The following TJP3 variants were observed in gnomAD, a reference collection of about 807,000 sequenced individuals.
The protein encoded by TJP3 is tight junction protein ZO-3.
Under a neutral mutation model 104.2 loss-of-function variants are expected in TJP3, and 85 were observed. The ratio of observed to expected loss-of-function variants is 0.82; its 90% CI spans 0.68 to 0.98. The LOEUF (loss-of-function observed/expected upper bound fraction) is 0.98, where lower values mean the gene tolerates loss of function less well. Among genes scored for constraint, TJP3 ranks in the 50% least tolerant of loss-of-function variants. TJP3 has a pLI of 0.00. For synonymous variants in TJP3, 550 were observed against 550.6 expected, an observed-to-expected ratio of 1.00 and a Z score of 0.02; for missense variants, 1,367 against 1,322.8, an observed-to-expected ratio of 1.03 and a Z score of -0.52.
chr19:3,711,450 C>T lies in TJP3; in HGVS notation c.-10+2889C>T, dbSNP rs1036567354. ...CTGATCTCAGGTGATTCGCTCGCCTCGGCCTCCCAAAGTGCTGGGATTACA... is the reference window on the plus strand; with the variant it reads ...CTGATCTCAGGTGATTCGCTCGCCTTGGCCTCCCAAAGTGCTGGGATTACA... On this transcript the variant is annotated intron_variant, in intron 1 of 20. Transcript: ENST00000541714. Among the ~76,000 whole-genome samples the T allele has an allele frequency of 2.6e-5, 4 of 151,392 alleles. No individual in the cohort carries two copies. In the South Asian group the frequency reaches 8.4e-4, roughly 32 times the overall value.
chr19:3,718,810 C>T (rs1428826806), intron 1 of TJP3, among the ~76,000 whole-genome samples: 2 of 152,208 alleles, frequency 1.3e-5, no homozygotes, highest in Middle Eastern at 3.4e-3. Flanking sequence ...ATGGCAGCCA[C>T]GAACCTTGAC....
intron 11 of TJP3, among the ~76,000 whole-genome samples, chr19:3,736,602 T>C (rs2036742799): frequency 6.6e-6 from 1 of 152,068 alleles, no homozygotes; most frequent in Non-Finnish European, 1.5e-5. Flanking sequence ...TGAGATGGAG[T>C]TTTGGTCTTG....
chr19:3,734,132 G>A (rs2145687826), intron 7 of TJP3, among the ~76,000 whole-genome samples, 195 bp from the exon 8 acceptor site: 1 of 152,258 alleles, frequency 6.6e-6, no homozygotes, highest in South Asian at 2.1e-4. Flanking sequence ...AGCGATTCTC[G>A]TGCCTTGGCC....
chr19:3,732,091 G>T, intron 6 of TJP3, 53 bp downstream of exon 6: 6 of 1,503,728 alleles, frequency 4.0e-6, no homozygotes, highest in Non-Finnish European at 5.5e-6. Context: ...GGGTTGGGGC[G>T]GGCAGTCCCA....
At position 3,730,135 on chromosome 19, in the gene TJP3, G is replaced by A; in HGVS notation, c.261+5G>A. 6.2e-7 allele frequency: 1 copy of A among 1,613,802 alleles called. No individual in the cohort carries two copies. The highest frequency in any genetic ancestry group is 8.5e-7 in the Non-Finnish European group (1 of 1,179,728). Reference sequence around the variant, plus strand: ...TGCACCAAGATGGCCAACATCGTGAGTAGGCAGCCCCTGGCATGGCCAGCA... The same window carrying A: ...TGCACCAAGATGGCCAACATCGTGAATAGGCAGCCCCTGGCATGGCCAGCA... On this transcript the variant is annotated splice_donor_5th_base_variant and intron_variant, in intron 4 of 20. Transcript: ENST00000541714. The surrounding 1 kb of genome is among the most constrained non-coding windows in gnomAD (Gnocchi z 7.3).
In TJP3 at chr19:3,731,956, G is replaced by T. The variant is rs2036677274; in HGVS notation, c.635G>T (p.Ser212Ile). Residue 212 changes from serine (S) to isoleucine (I), a missense_variant, in exon 6 of 21, where the codon AGT (serine) becomes ATT (isoleucine). By Grantham distance (142) the Ser-to-Ile change is moderately radical. Coordinates refer to ENST00000541714, the MANE Select transcript of TJP3 (RefSeq NM_001267560.2). ...DSEEFGVKLGSQIFIKHITDS... is the reference protein window; with the variant it reads ...DSEEFGVKLGIQIFIKHITDS... ...ACAGAGTTTGGCGTCAAGCTGGGCAGTCAGATCTTCATCAAGCACATTACA... is the reference window on the plus strand; with the variant it reads ...ACAGAGTTTGGCGTCAAGCTGGGCATTCAGATCTTCATCAAGCACATTACA... 1 of 1,613,458 alleles carries T rather than the reference G, an allele frequency of 6.2e-7. No homozygotes were observed. The highest frequency in any genetic ancestry group is 8.5e-7 in the Non-Finnish European group (1 of 1,179,706).
At position 3,743,948 on chromosome 19, in the gene TJP3, A is replaced by G. The variant is rs758900698; in HGVS notation, c.1853A>G (p.Lys618Arg). 8 of 1,614,016 alleles carry G rather than the reference A, an allele frequency of 5.0e-6. No homozygotes were observed. Among genetic ancestry groups the G allele is most frequent in the Admixed American group, 3.3e-5 (2 of 59,984 alleles). Reference sequence around the variant, plus strand: ...TGTCTCTACCCCTCAGCCAGTTTCAAGCGCCCGGTAGTGATCCTGGGACCC... The same window carrying G: ...TGTCTCTACCCCTCAGCCAGTTTCAGGCGCCCGGTAGTGATCCTGGGACCC... Reference protein sequence around the residue: ...ERVVLREASFKRPVVILGPVA... With the variant: ...ERVVLREASFRRPVVILGPVA... The change falls in exon 15 of 21, where the codon AAG becomes AGG. Residue 618 changes from lysine (K) to arginine (R), a missense_variant. Physicochemically the swap from Lys to Arg is conservative, Grantham distance 26. Coordinates refer to ENST00000541714, the MANE Select transcript of TJP3 (RefSeq NM_001267560.2).
At chr19:3,715,042 G>A (rs923140112) in intron 1 of TJP3, among the ~76,000 whole-genome samples, 3 of 151,198 alleles carry the variant, frequency 2.0e-5, no homozygotes, top group Admixed American at 6.6e-5. Flanking sequence ...TTTTTACTTC[G>A]TGAGGCAACA....
intron 1 of TJP3, chr19:3,721,977 G>A: frequency 1.0e-6 from 1 of 968,178 alleles, no homozygotes; most frequent in South Asian, 5.2e-5. Context: ...GGAAAGCAGG[G>A]TTTGGGAGTC....
At chr19:3,709,196 A>AC (rs1424568911) in intron 1 of TJP3, among the ~76,000 whole-genome samples, 2 of 151,820 alleles carry the variant, frequency 1.3e-5, no homozygotes, top group Non-Finnish European at 2.9e-5. Context: ...GCTCACTGCA[A>AC]CCTCTGCCTC....
intron 11 of TJP3, among the ~76,000 whole-genome samples, chr19:3,736,731 C>T (rs902177568): frequency 1.3e-5 from 2 of 151,836 alleles, no homozygotes; most frequent in East Asian, 1.9e-4. Flanking sequence ...TCCACCACCA[C>T]GCCCGGCTAA....
In TJP3 at chr19:3,730,690, G is replaced by A. The variant is rs747125492; in HGVS notation, c.597G>A (p.Lys199=). The A allele has an allele frequency of 1.9e-6, 3 of 1,608,534 alleles. No individual in the cohort carries two copies. The highest frequency in any genetic ancestry group is 1.1e-5 in the South Asian group (1 of 91,076). ...AGCCTGTGAAGTCAGTGCTGGTGAA[G>A]AGGAGAGACAGCGAAGGTCAGAAGA... ...QMKPVKSVLV[K]RRDSEEFGVK... Residue 199 remains lysine (K), a synonymous_variant, in exon 5 of 21, where the codon AAG becomes AAA. Transcript: ENST00000541714. The surrounding 1 kb of genome is among the most constrained non-coding windows in gnomAD (Gnocchi z 7.3).
At position 3,731,023 on chromosome 19, in the gene TJP3, G is replaced by A. The variant is rs531290543; in HGVS notation, c.613+317G>A. On this transcript the variant is annotated intron_variant, in intron 5 of 20. Transcript: ENST00000541714. ...TACACCTGGCATCTTCTTGCTCCTC[G>A]CTCCCCCCACCACAAATCCCCACTT... Among the ~76,000 whole-genome samples, 8 of 152,206 alleles carry A rather than the reference G, an allele frequency of 5.3e-5. No homozygotes were observed. The South Asian group carries it at 1.2e-3, about 24-fold the overall frequency.
Position 3,730,770 on chromosome 19 carries a change from C to T in TJP3, c.613+64C>T, listed in dbSNP as rs963202660. On this transcript the variant is annotated intron_variant, in intron 5 of 20. Transcript: ENST00000541714. The surrounding 1 kb of genome is among the most constrained non-coding windows in gnomAD (Gnocchi z 7.3). ...ACACAGGGCACCGTGGTCGGATGGG[C>T]GACGGTTTCAAGTGATTCTCCTGCC... The T allele has an allele frequency of 5.3e-5, 79 of 1,491,832 alleles. No homozygotes were observed. The highest frequency in any genetic ancestry group is 3.9e-4 in the South Asian group (31 of 78,974). The allele number at this position is 1,491,832 out of a possible 1,614,324, so 92.4% of individuals were successfully genotyped here. A position where few individuals can be genotyped will look rare whatever the true frequency, so the allele number is the denominator to read the frequency against.
intron 1 of TJP3, among the ~76,000 whole-genome samples, chr19:3,718,307 T>C (rs948830558): frequency 1.4e-5 from 2 of 148,108 alleles, no homozygotes; most frequent in Non-Finnish European, 3.0e-5. Flanking sequence ...GGCTGGTCTC[T>C]CCTGGCCTCA....
intron 1 of TJP3, among the ~76,000 whole-genome samples, chr19:3,723,174 G>A (rs974428832): frequency 1.3e-5 from 2 of 152,246 alleles, no homozygotes; most frequent in Non-Finnish European, 2.9e-5. Flanking sequence ...CCCATCGGGA[G>A]CGCTCAGACT....
chr19:3,721,262 G>T (rs535654162), intron 1 of TJP3, among the ~76,000 whole-genome samples: 3 of 152,184 alleles, frequency 2.0e-5, no homozygotes, highest in African/African-American at 7.2e-5. Flanking sequence ...GGCCAAGACC[G>T]CAGGAAAAAG....
intron 12 of TJP3, 57 bp downstream of exon 12, chr19:3,738,720 G>A (rs763555311): frequency 6.7e-7 from 1 of 1,493,280 alleles, no homozygotes; most frequent in East Asian, 2.3e-5. Flanking sequence ...ACCTGGCTGT[G>A]TGGCCTGGTG....
intron 13 of TJP3, among the ~76,000 whole-genome samples, chr19:3,739,472 G>A (rs1304546897): frequency 6.6e-6 from 1 of 152,184 alleles, no homozygotes; most frequent in African/African-American, 2.4e-5. Context: ...CCTGGCAACA[G>A]AGTGAGACTC....
Sources: gnomAD v4.1 joint callset for allele counts (sites outside exome capture counted in the v4.1 genomes callset) on GRCh38, gnomAD v4.1.1 for gene constraint, Gnocchi (gnomAD v3.1) non-coding constraint, MANE v1.5 for transcripts, NCBI Gene and HGNC (gene_info 2026-07-23, HGNC 2026-07-21) for gene names.